The following FGF13 variants were observed in gnomAD, a reference collection of about 807,000 sequenced individuals.
FGF13 encodes the protein fibroblast growth factor 13, also known as fibroblast growth factor homologous factor 2.
Under a neutral mutation model 19.5 loss-of-function variants are expected in FGF13, and 2 were observed. The ratio of observed to expected loss-of-function variants is 0.10; its 90% CI spans 0.04 to 0.32. The LOEUF (loss-of-function observed/expected upper bound fraction) is 0.32, where lower values mean the gene tolerates loss of function less well. Ranked by LOEUF, FGF13 falls within the 10% of genes least tolerant of loss-of-function variation. The pLI, the probability that FGF13 is intolerant of heterozygous loss-of-function variation, is 1.00. For synonymous variants in FGF13, 72 were observed against 76.9 expected (o/e 0.94, Z 0.33); for missense variants, 113 against 192.7 (o/e 0.59, Z 2.45).
chrX:139,119,505 A>G (rs1438478245), intron 1 of FGF13, among the ~76,000 whole-genome samples: 1 of 111,598 alleles, frequency 9.0e-6, no homozygotes, highest in African/African-American at 3.3e-5. Context: ...GTCCAAGGTC[A>G]CTCAGCTAAC....
chrX:138,688,467 A>G (rs1174077651), intron 3 of FGF13, among the ~76,000 whole-genome samples: 1 of 111,995 alleles, frequency 8.9e-6, no homozygotes, highest in Non-Finnish European at 1.9e-5. Context: ...TAGCTAGAAG[A>G]AAAGATTTGA....
At chrX:138,732,230 C>T (rs1391971237) in intron 1 of FGF13, among the ~76,000 whole-genome samples, 1 of 111,814 alleles carries the variant, frequency 8.9e-6, no homozygotes, top group African/African-American at 3.2e-5. Flanking sequence ...AATAATTTCA[C>T]TGCTAGGTTT....
intron 1 of FGF13, among the ~76,000 whole-genome samples, chrX:138,891,974 A>G (rs997315443): frequency 1.1e-5 from 1 of 92,824 alleles, no homozygotes; most frequent in Non-Finnish European, 2.1e-5. Flanking sequence ...TTAAACTCCA[A>G]TCTCTGTCTC....
chrX:138,981,755 T>A (rs1221747704), intron 1 of FGF13, among the ~76,000 whole-genome samples: 2 of 111,196 alleles, frequency 1.8e-5, no homozygotes, highest in Non-Finnish European at 3.8e-5. Flanking sequence ...TTGGTGGCCA[T>A]GCCATGAAGC....
intron 3 of FGF13, among the ~76,000 whole-genome samples, chrX:138,657,682 A>G (rs1185445171): frequency 8.9e-6 from 1 of 112,114 alleles, no homozygotes; most frequent in Non-Finnish European, 1.9e-5. Context: ...ACTGGGCTCT[A>G]TGAAGGATTA....
At chrX:139,066,305 G>T (rs1442974367) in intron 1 of FGF13, among the ~76,000 whole-genome samples, 1 of 110,901 alleles carries the variant, frequency 9.0e-6, no homozygotes, top group Non-Finnish European at 1.9e-5. Flanking sequence ...TAGCAGAAGA[G>T]AAGAAATAAC....
chrX:138,814,844 A>G (rs937584378), intron 3 of FGF13, among the ~76,000 whole-genome samples: 1 of 111,266 alleles, frequency 9.0e-6, no homozygotes, highest in African/African-American at 3.3e-5. Flanking sequence ...TTCTGGATAC[A>G]CGTTAAAAAA....
intron 1 of FGF13, among the ~76,000 whole-genome samples, chrX:138,958,658 T>C (rs773943297): frequency 8.9e-6 from 1 of 111,938 alleles, no homozygotes; most frequent in South Asian, 3.8e-4. Context: ...TCCTGGACTT[T>C]TTTTAGTTGG....
At chrX:138,906,652 T>C (rs1325962994) in intron 1 of FGF13, among the ~76,000 whole-genome samples, 1 of 112,125 alleles carries the variant, frequency 8.9e-6, no homozygotes, top group Non-Finnish European at 1.9e-5. Context: ...AAGGAAAACC[T>C]CACTGAGTGT....
At chrX:138,758,399 A>G (rs1283579126) in intron 3 of FGF13, among the ~76,000 whole-genome samples, 1 of 111,845 alleles carries the variant, frequency 8.9e-6, no homozygotes. Flanking sequence ...GACACATCCC[A>G]GCTAGAGCAA....
intron 3 of FGF13, among the ~76,000 whole-genome samples, chrX:138,697,823 T>G (rs1471686686): frequency 9.0e-6 from 1 of 111,502 alleles, no homozygotes; most frequent in Non-Finnish European, 1.9e-5. Context: ...TTTTTTATAT[T>G]TAAGACACTT....
chrX:139,054,418 C>G (rs1028334433), intron 1 of FGF13, among the ~76,000 whole-genome samples: 1 of 111,326 alleles, frequency 9.0e-6, no homozygotes, highest in African/African-American at 3.3e-5. Context: ...CCACCGCGCC[C>G]GGCTGGTCTA....
At chrX:138,879,091 GTTTT>G (rs745995978) in intron 1 of FGF13, among the ~76,000 whole-genome samples, 1 of 111,082 alleles carries the variant, frequency 9.0e-6, no homozygotes, top group Admixed American at 9.5e-5. Flanking sequence ...CTCTCATTTT[GTTTT>G]TTATTTGCTT....
At chrX:138,893,247 C>G (rs1046298418) in intron 1 of FGF13, among the ~76,000 whole-genome samples, 3 of 111,523 alleles carry the variant, frequency 2.7e-5, no homozygotes, top group Non-Finnish European at 5.7e-5. Flanking sequence ...CACCCAGATC[C>G]TTTGCTTTTT....
At chrX:138,814,624 G>A (rs1348904516) in intron 3 of FGF13, among the ~76,000 whole-genome samples, 2 of 110,738 alleles carry the variant, frequency 1.8e-5, no homozygotes, top group Admixed American at 1.9e-4. Flanking sequence ...TAATTATCAG[G>A]GAAATGCAAA....
At chrX:138,849,419 A>G (rs2091207676) in intron 3 of FGF13, among the ~76,000 whole-genome samples, 1 of 112,343 alleles carries the variant, frequency 8.9e-6, no homozygotes, top group Non-Finnish European at 1.9e-5. Flanking sequence ...CTATGTAAGA[A>G]TCTGTGAAAA....
At chrX:138,752,989 G>T (rs1218495714) in intron 3 of FGF13, among the ~76,000 whole-genome samples, 4 of 111,890 alleles carry the variant, frequency 3.6e-5, no homozygotes, top group African/African-American at 1.3e-4. Context: ...ATTTGAAATA[G>T]AAACCCAGAT....
chrX:139,105,579 T>C, intron 1 of FGF13, among the ~76,000 whole-genome samples: 1 of 112,161 alleles, frequency 8.9e-6, no homozygotes. Context: ...CTTAAAGACA[T>C]AGTTTCTTCA....
At chrX:138,997,731 A>G (rs1463709133) in intron 1 of FGF13, among the ~76,000 whole-genome samples, 1 of 112,453 alleles carries the variant, frequency 8.9e-6, no homozygotes, top group Admixed American at 9.4e-5. Context: ...AGTGACAAGG[A>G]GAATGGAACC....
Sources: gnomAD v4.1 joint callset for allele counts (sites outside exome capture counted in the v4.1 genomes callset) on GRCh38, gnomAD v4.1.1 for gene constraint, MANE v1.5 for transcripts, NCBI Gene and HGNC (gene_info 2026-07-23, HGNC 2026-07-21) for gene names.